Variants in MCRIP1 observed in about 807,000 individuals in gnomAD.
The protein encoded by MCRIP1 is mapk-regulated corepressor-interacting protein 1.
Under a neutral mutation model 14.4 loss-of-function variants are expected in MCRIP1, and 10 were observed. The observed-to-expected ratio is 0.70, with a 90% CI of 0.43 to 1.18. MCRIP1 has a LOEUF of 1.18. MCRIP1 is among the 50% of genes most tolerant of loss of function. MCRIP1 has a pLI of 0.00. For missense variants in MCRIP1, 119 were observed against 135.4 expected (o/e 0.88, Z 0.60); for synonymous variants, 53 against 55.7 (o/e 0.95, Z 0.21).
chr17:81,831,466 T>G (rs1030740507), intron 1 of MCRIP1, among the ~76,000 whole-genome samples: 11 of 150,786 alleles, frequency 7.3e-5, no homozygotes, highest in African/African-American at 2.7e-4. Context: ...GAAACAACTC[T>G]TCTGGGTAAA....
In MCRIP1 at chr17:81,823,333, G is replaced by C. The variant is rs1432118187; in HGVS notation, c.230-22C>G. ...AAGGCTGCCAGGGGACAACGCGGTA[G>C]GTGGTGGGCACAGGCCCCTCCTGCC... On this transcript the variant is annotated intron_variant, in intron 4 of 4. Transcript: ENST00000455127. This position sits in a 1 kb window ranked among gnomAD's most constrained non-coding sequence, Gnocchi z 6.0. The C allele has an allele frequency of 6.5e-7, 1 of 1,536,906 alleles. No homozygotes were observed. Among genetic ancestry groups the C allele is most frequent in the Admixed American group, 2.0e-5 (1 of 50,988 alleles).
chr17:81,832,148 T>A (rs894772860), intron 1 of MCRIP1, among the ~76,000 whole-genome samples: 4 of 152,170 alleles, frequency 2.6e-5, no homozygotes, highest in Admixed American at 2.6e-4. Flanking sequence ...GTTTCTGAGA[T>A]TCAAAGTTTC....
Position 81,822,965 on chromosome 17 carries a change from C to T in MCRIP1, c.*282G>A. On this transcript the variant is annotated 3_prime_UTR_variant, in exon 5 of 5. Transcript: ENST00000455127. The stretch of plus-strand genomic sequence containing the variant: ...GAGGAGAGAGGTCAGGTCAGGGCCC[C>T]TGGGGGCCAGGCAGCTTCAAAAATG... The T allele has an allele frequency of 1.7e-6, 1 of 581,238 alleles. No homozygotes were observed. 36.0% of individuals were successfully genotyped at this position (581,238 alleles called of 1,614,324 possible).
rs375867426 is a variant in MCRIP1 at position 81,823,378 on chromosome 17, G to A, written c.229+34C>T. ...CCTGCCCATGAGGCCCGGCCTGCCG[G>A]CCCAGCCCTGCCCCCAGGTCAGCCC... is the stretch of plus-strand genomic sequence containing the variant. On this transcript the variant is annotated intron_variant, in intron 4 of 4. Coordinates refer to ENST00000455127, the MANE Select transcript of MCRIP1 (RefSeq NM_207368.5). The surrounding 1 kb of genome is among the most constrained non-coding windows in gnomAD (Gnocchi z 6.0). 3.3e-6 allele frequency: 5 copies of A among 1,535,922 alleles called. No homozygotes were observed. In the African/African-American group the frequency reaches 6.9e-5, roughly 21 times the overall value.
At chr17:81,829,397 G>A (rs996003523) in intron 1 of MCRIP1, among the ~76,000 whole-genome samples, 72 of 152,202 alleles carry the variant, frequency 4.7e-4, no homozygotes, top group African/African-American at 1.6e-3. Context: ...AGGGTCAGGC[G>A]ATGCCTCGGT....
At position 81,823,961 on chromosome 17, in the gene MCRIP1, C is replaced by G. The variant is rs557815282; in HGVS notation, c.127+326G>C. 394 of 527,532 alleles carry G rather than the reference C, an allele frequency of 7.5e-4. 3 individuals carry two copies. Among genetic ancestry groups the G allele is most frequent in the African/African-American group, 6.9e-3 (360 of 52,090 alleles). 32.7% of individuals were successfully genotyped at this position (527,532 alleles called of 1,614,324 possible). A position where few individuals can be genotyped will look rare whatever the true frequency, so the allele number is the denominator to read the frequency against. On this transcript the variant is annotated intron_variant, in intron 3 of 4. Transcript: ENST00000455127. The surrounding 1 kb of genome is among the most constrained non-coding windows in gnomAD (Gnocchi z 6.0). ...GCCTGTCTGTCTTCAAAGGCCCCTC[C>G]CTTTCCCCAGCAAACTCCTCCAGTG...
chr17:81,831,715 G>A (rs113980225), intron 1 of MCRIP1, among the ~76,000 whole-genome samples: 1 of 152,190 alleles, frequency 6.6e-6, no homozygotes, highest in Admixed American at 6.5e-5. Flanking sequence ...CCCCTCCCAG[G>A]GCCTCCGGGG....
intron 3 of MCRIP1, 121 bp downstream of exon 3, chr17:81,824,166 G>T: frequency 1.2e-6 from 1 of 801,070 alleles, no homozygotes. Flanking sequence ...GGGGCTATCT[G>T]TGCCCTGGAG....
intron 1 of MCRIP1, among the ~76,000 whole-genome samples, chr17:81,829,657 C>A (rs1228472411): frequency 6.6e-6 from 1 of 152,226 alleles, no homozygotes; most frequent in African/African-American, 2.4e-5. Context: ...TGGCTGGGGT[C>A]TCACATGGGA....
At position 81,823,382 on chromosome 17, in the gene MCRIP1, A is replaced by T. The variant is rs1371385512; in HGVS notation, c.229+30T>A. 6.5e-7 allele frequency: 1 copy of T among 1,535,796 alleles called. No homozygotes were observed. Among genetic ancestry groups the T allele is most frequent in the East Asian group, 2.4e-5 (1 of 40,876 alleles). On this transcript the variant is annotated intron_variant, in intron 4 of 4. Transcript: ENST00000455127. The surrounding 1 kb of genome is among the most constrained non-coding windows in gnomAD (Gnocchi z 6.0). The stretch of plus-strand genomic sequence containing the variant: ...CCCATGAGGCCCGGCCTGCCGGCCC[A>T]GCCCTGCCCCCAGGTCAGCCCCCAC...
In MCRIP1 at chr17:81,826,754, G is replaced by GC. The variant is rs1598251858; in HGVS notation, c.-48-2201_-48-2200insG. 11 of 209,192 alleles carry GC rather than the reference G, an allele frequency of 5.3e-5. No homozygotes were observed. The East Asian group carries it at 6.5e-4, about 12-fold the overall frequency. The allele number at this position is 209,192 out of a possible 1,614,324, so 13.0% of individuals were successfully genotyped here. On this transcript the variant is annotated intron_variant, in intron 1 of 4. Coordinates refer to ENST00000455127, the MANE Select transcript of MCRIP1 (RefSeq NM_207368.5). The stretch of plus-strand genomic sequence containing the variant: ...GAATCGCTTGAACCCGGGAGGTGGA[G>GC]GTGCAGTGAGCCAAGATCGCGCCAA...
intron 1 of MCRIP1, among the ~76,000 whole-genome samples, chr17:81,828,971 C>T (rs549651010): frequency 6.6e-6 from 1 of 152,322 alleles, no homozygotes; most frequent in African/African-American, 2.4e-5. Context: ...TAGCTCAGGC[C>T]TGGTGGGCAG....
At chr17:81,831,887 G>C (rs1197724753) in intron 1 of MCRIP1, among the ~76,000 whole-genome samples, 1 of 152,130 alleles carries the variant, frequency 6.6e-6, no homozygotes, top group Non-Finnish European at 1.5e-5. Context: ...CCTCCCTCCA[G>C]ATAGGGAGGG....
intron 1 of MCRIP1, among the ~76,000 whole-genome samples, chr17:81,830,645 GAA>G (rs2038498549): frequency 6.6e-6 from 1 of 151,786 alleles, no homozygotes; most frequent in African/African-American, 2.4e-5. Context: ...CTCAAAAAAA[GAA>G]AAAAGAAAGG....
Position 81,823,505 on chromosome 17 carries a change from C to T in MCRIP1, c.136G>A (p.Gly46Ser), listed in dbSNP as rs969754465. 1.3e-6 allele frequency: 2 copies of T among 1,536,260 alleles called. No homozygotes were observed. Among genetic ancestry groups the T allele is most frequent in the South Asian group, 1.2e-5 (1 of 84,054 alleles). ...TGGCCTCGCAGGTCTCGCTCCACACCCTGCCAGGCTGCAGAGGCAGAGAGT... is the reference window on the plus strand; with the variant it reads ...TGGCCTCGCAGGTCTCGCTCCACACTCTGCCAGGCTGCAGAGGCAGAGAGT... ...NVRFIYEAWQ[G>S]VERDLRGQVP... The change falls in exon 4 of 5, where the codon GGT becomes AGT. Residue 46 changes from glycine to serine, a missense_variant. By Grantham distance (56) the Gly-to-Ser change is moderately conservative. Transcript: ENST00000455127. The surrounding 1 kb of genome is among the most constrained non-coding windows in gnomAD (Gnocchi z 6.0).
At chr17:81,825,643 G>C (rs755603898) in intron 1 of MCRIP1, 29 of 1,289,346 alleles carry the variant, frequency 2.2e-5, no homozygotes, top group Non-Finnish European at 2.7e-5. Flanking sequence ...AGAATCCCAC[G>C]GCTCAAGGGC....
At chr17:81,824,869 G>GATACGGC in intron 1 of MCRIP1, 1 of 1,258,940 alleles carries the variant, frequency 7.9e-7, no homozygotes, top group Admixed American at 3.9e-5. Context: ...CCCAGCACCG[G>GATACGGC]GAGCACTGTG....
chr17:81,825,605 TG>T (rs1420502385), intron 1 of MCRIP1: 59 of 1,289,224 alleles, frequency 4.6e-5, no homozygotes, highest in Non-Finnish European at 5.9e-5. Flanking sequence ...CTCATGTCAA[TG>T]GTCCAGCCCT....
At chr17:81,826,729 G>C in intron 1 of MCRIP1, 1 of 238,862 alleles carries the variant, frequency 4.2e-6, no homozygotes, top group Non-Finnish European at 8.1e-6. Context: ...TGAAACAGGA[G>C]AATCGCTTGA....
Sources: gnomAD v4.1 joint callset for allele counts (sites outside exome capture counted in the v4.1 genomes callset) on GRCh38, gnomAD v4.1.1 for gene constraint, Gnocchi (gnomAD v3.1) non-coding constraint, MANE v1.5 for transcripts, NCBI Gene and HGNC (gene_info 2026-07-23, HGNC 2026-07-21) for gene names.